The following IQCH variants were observed in gnomAD, a reference collection of about 807,000 sequenced individuals.
The protein encoded by IQCH is IQ domain-containing protein H.
A neutral mutation model predicts 117.0 loss-of-function variants in IQCH; 98 were observed. The ratio of observed to expected loss-of-function variants is 0.84; its 90% CI spans 0.71 to 0.99. IQCH has a LOEUF of 0.99. Among genes scored for constraint, IQCH ranks in the 50% least tolerant of loss-of-function variants. The probability of loss-of-function intolerance (pLI) is 0.00; values close to 1 mark genes in which losing one functional copy is unlikely to be tolerated. For synonymous variants in IQCH, 412 were observed against 448.2 expected, an observed-to-expected ratio of 0.92 and a Z score of 1.02; for missense variants, 1,102 against 1,243.8, an observed-to-expected ratio of 0.89 and a Z score of 1.72.
chr15:67,350,166 A>G (rs1969592548), intron 6 of IQCH, among the ~76,000 whole-genome samples: 1 of 152,260 alleles, frequency 6.6e-6, no homozygotes, highest in Non-Finnish European at 1.5e-5. Flanking sequence ...GTACATCCAT[A>G]CAATGGAGTA....
At position 67,490,216 on chromosome 15, in the gene IQCH, AT is replaced by A. The variant is rs1435126341; in HGVS notation, c.2861+159del. On this transcript the variant is annotated intron_variant, in intron 19 of 20. Coordinates refer to ENST00000335894, the MANE Select transcript of IQCH (RefSeq NM_001031715.3). The surrounding 1 kb of genome is among the most constrained non-coding windows in gnomAD (Gnocchi z 4.9). ...ATCTTCAGGTATTTTATTTTATTCT[AT>A]TTTTTTGAGACGGAGCCTCACTCTG... 43 of 664,898 alleles carry A rather than the reference AT, an allele frequency of 6.5e-5. No homozygotes were observed. The East Asian group carries it at 1.1e-3, about 17-fold the overall frequency. The allele number at this position is 664,898 out of a possible 1,614,324, so 41.2% of individuals were successfully genotyped here.
In IQCH at chr15:67,342,235, C is replaced by T. The variant is rs1969207587; in HGVS notation, c.509-1828C>T. Among the ~76,000 whole-genome samples, 1 of 151,982 alleles carries T rather than the reference C, an allele frequency of 6.6e-6. No homozygotes were observed. The highest frequency in any genetic ancestry group is 1.5e-5 in the Non-Finnish European group (1 of 67,990). ...TGAGCTATGATGGTGCCACTGCACT[C>T]CAACCTGATCAACAGAATGAGACCC... On this transcript the variant is annotated intron_variant, in intron 5 of 20. Transcript: ENST00000335894. The surrounding 1 kb of genome is among the most constrained non-coding windows in gnomAD (Gnocchi z 4.7).
At position 67,427,321 on chromosome 15, in the gene IQCH, T is replaced by C. The variant is rs1013419353; in HGVS notation, c.2505+5744T>C. On this transcript the variant is annotated intron_variant, in intron 16 of 20. Coordinates refer to ENST00000335894, the MANE Select transcript of IQCH (RefSeq NM_001031715.3). This position sits in a 1 kb window ranked among gnomAD's most constrained non-coding sequence, Gnocchi z 4.7. ...TCCCAATCCTGTCATTTGTGTTTTA[T>C]TTGTAATACTCTTCATCATACTAAA... is the stretch of plus-strand genomic sequence containing the variant. 6.6e-6 allele frequency among the ~76,000 whole-genome samples: 1 copy of C among 152,210 alleles called. No individual in the cohort carries two copies. The highest frequency in any genetic ancestry group is 2.4e-5 in the African/African-American group (1 of 41,452).
chr15:67,372,707 C>T, intron 9 of IQCH, 45 bp downstream of exon 9: 2 of 1,499,792 alleles, frequency 1.3e-6, no homozygotes, highest in South Asian at 1.3e-5. Flanking sequence ...TTTTTCTAAA[C>T]ATTTCGTGCT....
intron 4 of IQCH, among the ~76,000 whole-genome samples, chr15:67,298,049 C>G (rs147645845): frequency 6.6e-6 from 1 of 152,222 alleles, no homozygotes; most frequent in Non-Finnish European, 1.5e-5. Flanking sequence ...TGGCTCACAC[C>G]TGTTATCCCA....
At chr15:67,299,839 C>T (rs766631941) in intron 4 of IQCH, among the ~76,000 whole-genome samples, 1 of 152,078 alleles carries the variant, frequency 6.6e-6, no homozygotes, top group Non-Finnish European at 1.5e-5. Flanking sequence ...TGTGTACTTT[C>T]TTTTATAGCA....
At chr15:67,353,697 T>C (rs1210930463) in intron 6 of IQCH, among the ~76,000 whole-genome samples, 4 of 151,948 alleles carry the variant, frequency 2.6e-5, no homozygotes, top group African/African-American at 9.7e-5. Flanking sequence ...CAGGCAGATC[T>C]CTGACAATAA....
At position 67,443,255 on chromosome 15, in the gene IQCH, G is replaced by A. The variant is rs1342749876; in HGVS notation, c.2505+21678G>A. On this transcript the variant is annotated intron_variant, in intron 16 of 20. Transcript: ENST00000335894. This position sits in a 1 kb window ranked among gnomAD's most constrained non-coding sequence, Gnocchi z 5.0. ...CATCCACCCGCCTCGGCCTCCCAAA[G>A]TGCTGGGATTACAGGCGTGAGCCAC... Among the ~76,000 whole-genome samples the A allele has an allele frequency of 1.3e-5, 2 of 152,204 alleles. No individual in the cohort carries two copies. Among genetic ancestry groups the A allele is most frequent in the Admixed American group, 1.3e-4 (2 of 15,278 alleles).
At chr15:67,423,670 A>T (rs987857246) in intron 16 of IQCH, among the ~76,000 whole-genome samples, 1 of 151,554 alleles carries the variant, frequency 6.6e-6, no homozygotes, top group Admixed American at 6.6e-5. Context: ...TGGGAGGCGC[A>T]GGCGGGTGGA....
intron 4 of IQCH, among the ~76,000 whole-genome samples, chr15:67,293,660 A>G (rs559635794): frequency 2.0e-5 from 3 of 152,048 alleles, no homozygotes; most frequent in South Asian, 2.1e-4. Flanking sequence ...ATGGAGGGCC[A>G]GAGTGAATAG....
At position 67,443,865 on chromosome 15, in the gene IQCH, A is replaced by G. The variant is rs965991298; in HGVS notation, c.2506-21262A>G. On this transcript the variant is annotated intron_variant, in intron 16 of 20. Coordinates refer to ENST00000335894, the MANE Select transcript of IQCH (RefSeq NM_001031715.3). The surrounding 1 kb of genome is among the most constrained non-coding windows in gnomAD (Gnocchi z 5.0). Reference sequence around the variant, plus strand: ...CTCTGTTATGTATTTTACATGTAGTAACCCTAATCTTCACATCCTGAGAAG... The same window carrying G: ...CTCTGTTATGTATTTTACATGTAGTGACCCTAATCTTCACATCCTGAGAAG... Among the ~76,000 whole-genome samples the G allele has an allele frequency of 4.6e-5, 7 of 152,236 alleles. No homozygotes were observed. Among genetic ancestry groups the G allele is most frequent in the African/African-American group, 1.7e-4 (7 of 41,460 alleles).
At chr15:67,305,327 A>G (rs1299280045) in intron 4 of IQCH, among the ~76,000 whole-genome samples, 1 of 152,086 alleles carries the variant, frequency 6.6e-6, no homozygotes, top group African/African-American at 2.4e-5. Context: ...GACATTTTCA[A>G]CTGCCTACTT....
intron 4 of IQCH, among the ~76,000 whole-genome samples, chr15:67,312,775 A>G (rs957047036): frequency 1.3e-5 from 2 of 152,196 alleles, no homozygotes; most frequent in Non-Finnish European, 2.9e-5. Flanking sequence ...AGCATTAGCC[A>G]CAAGAGAAAT....
chr15:67,392,243 T>C (rs1971309719), intron 12 of IQCH, among the ~76,000 whole-genome samples: 1 of 152,202 alleles, frequency 6.6e-6, no homozygotes, highest in South Asian at 2.1e-4. Context: ...TGCCTTGGAA[T>C]CCTCTTCTGG....
chr15:67,342,680 AG>A lies in IQCH; in HGVS notation c.509-1382del, dbSNP rs1201198491. 6.6e-6 allele frequency among the ~76,000 whole-genome samples: 1 copy of A among 152,200 alleles called. No homozygotes were observed. The highest frequency in any genetic ancestry group is 1.5e-5 in the Non-Finnish European group (1 of 68,032). On this transcript the variant is annotated intron_variant, in intron 5 of 20. Coordinates refer to ENST00000335894, the MANE Select transcript of IQCH (RefSeq NM_001031715.3). This position sits in a 1 kb window ranked among gnomAD's most constrained non-coding sequence, Gnocchi z 4.7. ...CAAGATTTTTAAAGTAGTTCAATCT[AG>A]TGTTATAAAAATTAAAACCTGAAGT...
chr15:67,265,510 A>T (rs554658657), intron 3 of IQCH, among the ~76,000 whole-genome samples: 26 of 152,346 alleles, frequency 1.7e-4, no homozygotes, highest in Admixed American at 4.6e-4. Context: ...GTGAATGTGT[A>T]GGGCTAAAGT....
chr15:67,359,558 G>A lies in IQCH; in HGVS notation c.715-289G>A, dbSNP rs544672463. Among the ~76,000 whole-genome samples, 14 of 152,326 alleles carry A rather than the reference G, an allele frequency of 9.2e-5. No individual in the cohort carries two copies. The highest frequency in any genetic ancestry group is 2.4e-4 in the African/African-American group (10 of 41,566). On this transcript the variant is annotated intron_variant, in intron 7 of 20. Transcript: ENST00000335894. This position sits in a 1 kb window ranked among gnomAD's most constrained non-coding sequence, Gnocchi z 4.5. ...CCACCACAAAGCAGTGTGGTGCCAC[G>A]CTAGTGTCCCCTAGAAGTGGGACTT...
intron 4 of IQCH, 51 bp from the exon 5 acceptor site, chr15:67,336,922 CTG>C (rs1233332269): frequency 1.9e-6 from 3 of 1,577,050 alleles, no homozygotes; most frequent in South Asian, 2.2e-5. Flanking sequence ...AAGAAGAAAA[CTG>C]TTCACTGTGA....
At chr15:67,375,587 G>A (rs972465274) in intron 10 of IQCH, among the ~76,000 whole-genome samples, 1 of 152,090 alleles carries the variant, frequency 6.6e-6, no homozygotes, top group East Asian at 1.9e-4. Context: ...CTTCCCTAAT[G>A]TAGCAATTTT....
Sources: allele counts gnomAD v4.1 joint callset (sites outside exome capture counted in the v4.1 genomes callset), GRCh38; gene constraint gnomAD v4.1.1; non-coding constraint Gnocchi (gnomAD v3.1); transcripts MANE v1.5; gene names NCBI Gene and HGNC (gene_info 2026-07-23, HGNC 2026-07-21).